The following DNAJC5B variants were observed in gnomAD, a reference collection of about 807,000 sequenced individuals.
DNAJC5B encodes the protein dnaJ homolog subfamily C member 5B.
A neutral mutation model predicts 24.7 loss-of-function variants in DNAJC5B; 23 were observed. The ratio of observed to expected loss-of-function variants is 0.93; its 90% CI spans 0.67 to 1.32. The LOEUF (loss-of-function observed/expected upper bound fraction) is 1.32. DNAJC5B is among the 40% of genes most tolerant of loss of function. DNAJC5B has a pLI of 0.00. For missense variants in DNAJC5B, 238 were observed against 240.8 expected (o/e 0.99, Z 0.08); for synonymous variants, 101 against 90.1 (o/e 1.12, Z -0.68).
At chr8:66,034,287 G>T (rs1200922677) in intron 1 of DNAJC5B, among the ~76,000 whole-genome samples, 2 of 150,542 alleles carry the variant, frequency 1.3e-5, no homozygotes, top group Non-Finnish European at 3.0e-5. Context: ...GATCTTACTG[G>T]GACACACAGA....
At chr8:66,039,268 C>G (rs1806554766) in intron 1 of DNAJC5B, among the ~76,000 whole-genome samples, 1 of 152,054 alleles carries the variant, frequency 6.6e-6, no homozygotes, top group Admixed American at 6.5e-5. Context: ...TGGCTGGTTA[C>G]CTTGGGCAAT....
At chr8:66,028,450 T>C (rs1699117393) in intron 1 of DNAJC5B, among the ~76,000 whole-genome samples, 1 of 152,184 alleles carries the variant, frequency 6.6e-6, no homozygotes, top group Non-Finnish European at 1.5e-5. Context: ...CAGGGCTGTG[T>C]CTGATTTTAA....
intron 2 of DNAJC5B, among the ~76,000 whole-genome samples, chr8:66,048,328 G>A (rs1563593532): frequency 6.6e-6 from 1 of 152,208 alleles, no homozygotes; most frequent in Admixed American, 6.5e-5. Flanking sequence ...GGAAAGGGCA[G>A]GCAGCAGTGT....
the DNAJC5B span, among the ~76,000 whole-genome samples, chr8:66,015,018 G>A: frequency 0.055 from 8,367 of 152,258 alleles, 340 homozygotes; most frequent in Middle Eastern, 0.11. Flanking sequence ...ATCTCATGAG[G>A]AGAGGACACT....
At chr8:66,066,809 C>G (rs4398895) in intron 3 of DNAJC5B, among the ~76,000 whole-genome samples, 15,197 of 152,114 alleles carry the variant, frequency 0.1, 945 homozygotes, top group African/African-American at 0.16. Flanking sequence ...GACTTCACCA[C>G]TATACAATTC....
intron 1 of DNAJC5B, among the ~76,000 whole-genome samples, chr8:66,032,006 G>A (rs1321455313): frequency 6.6e-6 from 1 of 152,214 alleles, no homozygotes; most frequent in Non-Finnish European, 1.5e-5. Flanking sequence ...CTCCCATATG[G>A]AAAGTAGTCT....
intron 1 of DNAJC5B, among the ~76,000 whole-genome samples, chr8:66,041,431 G>A (rs972372973): frequency 6.6e-6 from 1 of 152,166 alleles, no homozygotes; most frequent in African/African-American, 2.4e-5. Context: ...TCTTAAAATA[G>A]CCCTAACCAT....
intron 3 of DNAJC5B, among the ~76,000 whole-genome samples, chr8:66,052,159 T>C (rs932574063): frequency 1.3e-5 from 2 of 150,964 alleles, no homozygotes; most frequent in Non-Finnish European, 2.9e-5. Context: ...GGTTTCACCA[T>C]GTTGGCCAGG....
intron 5 of DNAJC5B, among the ~76,000 whole-genome samples, chr8:66,085,126 CTT>C (rs1807692384): frequency 6.6e-6 from 1 of 152,030 alleles, no homozygotes; most frequent in Non-Finnish European, 1.5e-5. Context: ...ATTGAATTGT[CTT>C]TCCATCTTTG....
At chr8:66,095,257 T>G (rs2128967118) in intron 5 of DNAJC5B, among the ~76,000 whole-genome samples, 1 of 152,256 alleles carries the variant, frequency 6.6e-6, no homozygotes, top group South Asian at 2.1e-4. Context: ...ATTTACTTAA[T>G]GTTTATAGAC....
At position 66,100,301 on chromosome 8, in the gene DNAJC5B, G is replaced by C. The variant is rs752222483; in HGVS notation, c.*270G>C. The C allele has an allele frequency of 3.6e-6, 1 of 281,108 alleles. No homozygotes were observed. Among genetic ancestry groups the C allele is most frequent in the Non-Finnish European group, 6.7e-6 (1 of 148,948 alleles). 17.4% of individuals were successfully genotyped at this position (281,108 alleles called of 1,614,324 possible). On this transcript the variant is annotated 3_prime_UTR_variant, in exon 6 of 6. Transcript: ENST00000276570. Reference sequence around the variant, plus strand: ...TTGCCTGATGTAGGACAGTGGAATTGTACAGCCTTTATGAACCTGCCCTTT... The same window carrying C: ...TTGCCTGATGTAGGACAGTGGAATTCTACAGCCTTTATGAACCTGCCCTTT...
Position 66,032,816 on chromosome 8 carries a change from G to C in DNAJC5B, c.-141-10672G>C, listed in dbSNP as rs189140568. Among the ~76,000 whole-genome samples the C allele has an allele frequency of 2.0e-5, 3 of 152,162 alleles. No homozygotes were observed. The East Asian group carries it at 5.8e-4, about 29-fold the overall frequency. ...TGTTCCTCATTTTCCATTTCCACTA[G>C]AGCTTGGCAAAAACACTGTCTAGTT... On this transcript the variant is annotated intron_variant, in intron 1 of 5. Transcript: ENST00000276570.
upstream of DNAJC5B, among the ~76,000 whole-genome samples, chr8:66,018,932 G>A (rs563244359): frequency 6.6e-6 from 1 of 152,322 alleles, no homozygotes; most frequent in South Asian, 2.1e-4. Flanking sequence ...AGCCTGCAGA[G>A]TGCCTGCTTC....
chr8:66,032,946 G>A (rs559125184), intron 1 of DNAJC5B, among the ~76,000 whole-genome samples: 2 of 152,266 alleles, frequency 1.3e-5, no homozygotes, highest in East Asian at 1.9e-4. Flanking sequence ...CCCCTTCATC[G>A]TGACAACATA....
intron 5 of DNAJC5B, among the ~76,000 whole-genome samples, chr8:66,088,695 G>A (rs1413242814): frequency 6.6e-6 from 1 of 152,120 alleles, no homozygotes; most frequent in African/African-American, 2.4e-5. Context: ...TCTCTTTCGA[G>A]TTCAAGGTTC....
chr8:66,029,742 A>G (rs1167523097), intron 1 of DNAJC5B, among the ~76,000 whole-genome samples: 2 of 152,096 alleles, frequency 1.3e-5, no homozygotes, highest in Non-Finnish European at 2.9e-5. Flanking sequence ...GGGTGAGTGA[A>G]AGGAGACACC....
In DNAJC5B at chr8:66,029,037, C is replaced by CT. The variant is rs554863580; in HGVS notation, c.-142+7334dup. Reference sequence around the variant, plus strand: ...ATTTTCCAGCTTGCCCAATACTTTTCTTGCCTCCATGGTCTTGCTCATGCA... The same window carrying CT: ...ATTTTCCAGCTTGCCCAATACTTTTCTTTGCCTCCATGGTCTTGCTCATGCA... On this transcript the variant is annotated intron_variant, in intron 1 of 5. Transcript: ENST00000276570. 3.5e-3 allele frequency among the ~76,000 whole-genome samples: 534 copies of CT among 152,318 alleles called. 3 individuals are homozygous for CT. The highest frequency in any genetic ancestry group is 5.9e-3 in the Non-Finnish European group (404 of 68,032).
At chr8:66,091,663 A>G (rs963179172) in intron 5 of DNAJC5B, among the ~76,000 whole-genome samples, 1 of 152,234 alleles carries the variant, frequency 6.6e-6, no homozygotes, top group Non-Finnish European at 1.5e-5. Context: ...GGTTCAAACC[A>G]TCAAAATGAA....
chr8:66,083,651 A>T (rs1239436861), intron 5 of DNAJC5B, among the ~76,000 whole-genome samples: 2 of 152,166 alleles, frequency 1.3e-5, no homozygotes, highest in African/African-American at 4.8e-5. Context: ...TTAGATTTTC[A>T]TGTCCCCTCA....
Sources: gnomAD v4.1 joint callset for allele counts (sites outside exome capture counted in the v4.1 genomes callset) on GRCh38, gnomAD v4.1.1 for gene constraint, MANE v1.5 for transcripts, NCBI Gene and HGNC (gene_info 2026-07-23, HGNC 2026-07-21) for gene names.